DUSP5: variants seen among roughly 807,000 people sequenced by gnomAD.
The protein encoded by DUSP5 is dual specificity protein phosphatase 5.
A neutral mutation model predicts 33.6 loss-of-function variants in DUSP5; 22 were observed. The ratio of observed to expected loss-of-function variants is 0.66; its 90% confidence interval spans 0.47 to 0.94. The LOEUF is 0.94. Among genes scored for constraint, DUSP5 ranks in the 40% least tolerant of loss-of-function variants. The pLI is 0.00. For missense variants in DUSP5, 551 were observed against 522.1 expected, an observed-to-expected ratio of 1.06 and a Z score of -0.54; for synonymous variants, 270 against 231.1, an observed-to-expected ratio of 1.17 and a Z score of -1.53.
intron 2 of DUSP5, among the ~76,000 whole-genome samples, chr10:110,503,276 G>C (rs1203953073): frequency 6.6e-6 from 1 of 152,194 alleles, no homozygotes; most frequent in East Asian, 1.9e-4. Flanking sequence ...AATTGTCCAT[G>C]CTCTGCAGTT....
chr10:110,498,536 C>G (rs770335017), intron 1 of DUSP5, 36 bp downstream of exon 1: 2 of 1,408,872 alleles, frequency 1.4e-6, no homozygotes, highest in Non-Finnish European at 1.8e-6. Context: ...CTCGCCCCTC[C>G]GGCGCCCCCG....
chr10:110,498,283 G>A lies in DUSP5; in HGVS notation c.162G>A (p.Arg54=), dbSNP rs746760178. Residue 54 remains arginine, a synonymous_variant, in exon 1 of 4, where the codon CGG becomes CGA. Transcript: ENST00000369583. ...ACCTCAACTCGGTGGTGCTGCGGCGGGCCCGGGGCGGCGCGGTGTCGGCGC... is the reference window on the plus strand; with the variant it reads ...ACCTCAACTCGGTGGTGCTGCGGCGAGCCCGGGGCGGCGCGGTGTCGGCGC... The part of the protein sequence containing the change: ...NVNLNSVVLR[R]ARGGAVSARY... 11 of 1,450,908 alleles carry A rather than the reference G, an allele frequency of 7.6e-6. No individual in the cohort carries two copies. The highest frequency in any genetic ancestry group is 9.1e-6 in the Non-Finnish European group (10 of 1,095,172). 89.9% of individuals were successfully genotyped at this position (1,450,908 alleles called of 1,614,324 possible).
At position 110,498,467 on chromosome 10, in the gene DUSP5, C is replaced by T. The variant is rs758597468; in HGVS notation, c.346C>T (p.Leu116=). The change falls in exon 1 of 4, where the codon CTA becomes TTA. Residue 116 remains leucine (L), a synonymous_variant. Transcript: ENST00000369583. ...CGTCCTCACCTCGCTACTCGCTTGC[C>T]TACCCGCCGGCCCGCGGGTCTACTT... ...RVVLTSLLAC[L]PAGPRVYFLK... 1.3e-6 allele frequency: 2 copies of T among 1,540,864 alleles called. No homozygotes were observed. The highest frequency in any genetic ancestry group is 8.7e-7 in the Non-Finnish European group (1 of 1,152,664).
At chr10:110,502,642 T>G in intron 1 of DUSP5, 79 bp from the exon 2 acceptor site, 1 of 1,515,296 alleles carries the variant, frequency 6.6e-7, no homozygotes, top group Non-Finnish European at 9.0e-7. Flanking sequence ...ACTCAGAGTA[T>G]TGATTAACTA....
At chr10:110,500,545 GT>G (rs1379888787) in intron 1 of DUSP5, among the ~76,000 whole-genome samples, 1 of 152,182 alleles carries the variant, frequency 6.6e-6, no homozygotes, top group Non-Finnish European at 1.5e-5. Flanking sequence ...TCAGATCTTG[GT>G]GGGGGCAATG....
At position 110,510,529 on chromosome 10, in the gene DUSP5, G is replaced by T; in HGVS notation, c.*103G>T. ...TGTGCAATACTGAAGACCTCATTCT[G>T]TCATGCTGCCCCAGTGAGATAGTGA... On this transcript the variant is annotated 3_prime_UTR_variant, in exon 4 of 4. Coordinates refer to ENST00000369583, the MANE Select transcript of DUSP5 (RefSeq NM_004419.4). 4.4e-6 allele frequency: 6 copies of T among 1,376,504 alleles called. No individual in the cohort carries two copies. Among genetic ancestry groups the T allele is most frequent in the Non-Finnish European group, 3.8e-6 (4 of 1,043,020 alleles). 85.3% of individuals were successfully genotyped at this position (1,376,504 alleles called of 1,614,324 possible). A position where few individuals can be genotyped will look rare whatever the true frequency, so the allele number is the denominator to read the frequency against.
At position 110,498,507 on chromosome 10, in the gene DUSP5, G is replaced by T; in HGVS notation, c.379+7G>T. The T allele has an allele frequency of 1.3e-6, 2 of 1,503,012 alleles. No homozygotes were observed. The highest frequency in any genetic ancestry group is 1.8e-6 in the Non-Finnish European group (2 of 1,133,276). The allele number at this position is 1,503,012 out of a possible 1,614,324, so 93.1% of individuals were successfully genotyped here. On this transcript the variant is annotated splice_region_variant and intron_variant, in intron 1 of 3. Coordinates refer to ENST00000369583, the MANE Select transcript of DUSP5 (RefSeq NM_004419.4). ...CGGGTCTACTTCCTCAAAGGTGAGCGCTCGGGGTCCCTGCCACGCTCGCCC... is the reference window on the plus strand; with the variant it reads ...CGGGTCTACTTCCTCAAAGGTGAGCTCTCGGGGTCCCTGCCACGCTCGCCC...
chr10:110,508,900 A>G (rs529163693), intron 3 of DUSP5, among the ~76,000 whole-genome samples: 2 of 152,318 alleles, frequency 1.3e-5, no homozygotes, highest in African/African-American at 2.4e-5. Flanking sequence ...TTCCTCCCTG[A>G]TGCCTCAGAA....
intron 1 of DUSP5, 84 bp from the exon 2 acceptor site, chr10:110,502,637 G>C: frequency 6.7e-7 from 1 of 1,492,794 alleles, no homozygotes; most frequent in Non-Finnish European, 9.2e-7. Flanking sequence ...GTAACACTCA[G>C]AGTATTGATT....
chr10:110,504,245 C>G (rs1860092265), intron 2 of DUSP5, among the ~76,000 whole-genome samples: 1 of 152,222 alleles, frequency 6.6e-6, no homozygotes, highest in Non-Finnish European at 1.5e-5. Flanking sequence ...TGAGAAAGCC[C>G]TGATGTGTCT....
chr10:110,500,411 G>T (rs144129692), intron 1 of DUSP5, among the ~76,000 whole-genome samples: 2 of 152,340 alleles, frequency 1.3e-5, no homozygotes, highest in African/African-American at 4.8e-5. Flanking sequence ...TTAAGTTTCA[G>T]TAGAAATTGC....
Position 110,498,331 on chromosome 10 carries a change from G to C in DUSP5, c.210G>C (p.Ala70=). Residue 70 remains alanine, a synonymous_variant, in exon 1 of 4, where the codon GCG becomes GCC. Coordinates refer to ENST00000369583, the MANE Select transcript of DUSP5 (RefSeq NM_004419.4). ...CGCGCTACGTGCTGCCCGACGAGGC[G>C]GCGCGCGCGCGGCTCCTGCAGGAGG... ...VSARYVLPDE[A]ARARLLQEGG... The C allele has an allele frequency of 7.4e-7, 1 of 1,342,840 alleles. No individual in the cohort carries two copies. 83.2% of individuals were successfully genotyped at this position (1,342,840 alleles called of 1,614,324 possible). A position where few individuals can be genotyped will look rare whatever the true frequency, so the allele number is the denominator to read the frequency against.
chr10:110,501,974 G>A (rs186956342), intron 1 of DUSP5, among the ~76,000 whole-genome samples: 1 of 151,382 alleles, frequency 6.6e-6, no homozygotes, highest in East Asian at 1.9e-4. Flanking sequence ...TTGGGGGGGG[G>A]GTGCAGGAGG....
Position 110,498,152 on chromosome 10 carries a change from C to T in DUSP5, c.31C>T (p.Leu11=). 1.4e-6 allele frequency: 2 copies of T among 1,464,094 alleles called. No individual in the cohort carries two copies. The highest frequency in any genetic ancestry group is 9.1e-7 in the Non-Finnish European group (1 of 1,103,880). 90.7% of individuals were successfully genotyped at this position (1,464,094 alleles called of 1,614,324 possible). MKVTSLDGRQ[L]RKMLRKEAAA... is the part of the protein sequence containing the mutation. Reference sequence around the variant, plus strand: ...GGTCACGTCGCTCGACGGGCGCCAGCTGCGCAAGATGCTCCGCAAGGAGGC... The same window carrying T: ...GGTCACGTCGCTCGACGGGCGCCAGTTGCGCAAGATGCTCCGCAAGGAGGC... Residue 11 remains leucine (L), a synonymous_variant, in exon 1 of 4, where the codon CTG becomes TTG. Transcript: ENST00000369583.
In DUSP5 at chr10:110,510,437, G is replaced by A; in HGVS notation, c.*11G>A. 1 of 1,561,226 alleles carries A rather than the reference G, an allele frequency of 6.4e-7. No individual in the cohort carries two copies. Among genetic ancestry groups the A allele is most frequent in the Non-Finnish European group, 8.7e-7 (1 of 1,150,536 alleles). ...GCCACATCCTGCTAAAACTGGGATG[G>A]AGGAATCGGCCCAGCCCCAAGAGCA... On this transcript the variant is annotated 3_prime_UTR_variant, in exon 4 of 4. Transcript: ENST00000369583.
At chr10:110,503,872 C>T (rs1223967403) in intron 2 of DUSP5, among the ~76,000 whole-genome samples, 2 of 152,228 alleles carry the variant, frequency 1.3e-5, no homozygotes, top group Non-Finnish European at 2.9e-5. Flanking sequence ...ATACCCAAAT[C>T]ATAAGAAGAA....
In DUSP5 at chr10:110,498,496, CA is replaced by C; in HGVS notation, c.378del (p.Gly128AspfsTer16). On this transcript the variant is annotated frameshift_variant, in exon 1 of 4. Transcript: ENST00000369583. LOFTEE classifies it high-confidence loss of function. Reference sequence around the variant, plus strand: ...CCGCCGGCCCGCGGGTCTACTTCCTCAAAGGTGAGCGCTCGGGGTCCCTGCC... The same window carrying C: ...CCGCCGGCCCGCGGGTCTACTTCCTCAAGGTGAGCGCTCGGGGTCCCTGCC... ...LPAGPRVYFL[K>X]GGYETFYSEY... The C allele has an allele frequency of 6.6e-7, 1 of 1,525,972 alleles. No individual in the cohort carries two copies. The allele number at this position is 1,525,972 out of a possible 1,614,324, so 94.5% of individuals were successfully genotyped here.
At chr10:110,509,339 T>C (rs944951191) in intron 3 of DUSP5, among the ~76,000 whole-genome samples, 1 of 152,238 alleles carries the variant, frequency 6.6e-6, no homozygotes, top group African/African-American at 2.4e-5. Context: ...GAAAGCCATT[T>C]ATATCCTCCG....
chr10:110,500,677 G>T (rs1233028903), intron 1 of DUSP5, among the ~76,000 whole-genome samples: 4 of 152,178 alleles, frequency 2.6e-5, no homozygotes, highest in Non-Finnish European at 5.9e-5. Context: ...CTGTTCCCTG[G>T]TGATGTGGTG....
Sources: allele counts gnomAD v4.1 joint callset (sites outside exome capture counted in the v4.1 genomes callset), GRCh38; gene constraint gnomAD v4.1.1; transcripts MANE v1.5; gene names NCBI Gene and HGNC (gene_info 2026-07-23, HGNC 2026-07-21).